The following LAMA2 variants were observed in gnomAD, a reference collection of about 807,000 sequenced individuals.
LAMA2 encodes the protein laminin subunit alpha-2.
Under a neutral mutation model 364.8 loss-of-function variants are expected in LAMA2, and 269 were observed. The ratio of observed to expected loss-of-function variants is 0.74; its 90% CI spans 0.67 to 0.82. The LOEUF (loss-of-function observed/expected upper bound fraction) is 0.82, where lower values mean the gene tolerates loss of function less well. Ranked by LOEUF, LAMA2 falls within the 40% of genes least tolerant of loss-of-function variation. The probability of loss-of-function intolerance (pLI) is 0.00; values close to 1 mark genes in which losing one functional copy is unlikely to be tolerated. For synonymous variants in LAMA2, 1,379 were observed against 1,370.6 expected (o/e 1.01, Z -0.14); for missense variants, 3,807 against 3,873.2 (o/e 0.98, Z 0.45).
chr6:129,248,209 A>C (rs1222682520), intron 12 of LAMA2, among the ~76,000 whole-genome samples: 1 of 152,202 alleles, frequency 6.6e-6, no homozygotes, highest in Non-Finnish European at 1.5e-5. Context: ...CTGATGTGGA[A>C]CAGTTTTATC....
At chr6:129,220,303 G>A (rs1261026413) in intron 12 of LAMA2, among the ~76,000 whole-genome samples, 2 of 152,068 alleles carry the variant, frequency 1.3e-5, no homozygotes, top group Non-Finnish European at 2.9e-5. Flanking sequence ...TAAGCAATGA[G>A]CAAAAAAACA....
intron 4 of LAMA2, among the ~76,000 whole-genome samples, chr6:129,124,095 T>C (rs1213725096): frequency 6.6e-6 from 1 of 152,224 alleles, no homozygotes; most frequent in Non-Finnish European, 1.5e-5. Context: ...AAATACCTAT[T>C]TTTTAAAATT....
At chr6:129,267,587 GA>G (rs1787607333) in intron 16 of LAMA2, among the ~76,000 whole-genome samples, 1 of 151,906 alleles carries the variant, frequency 6.6e-6, no homozygotes, top group South Asian at 2.1e-4. Flanking sequence ...CCCATAATAT[GA>G]AAAGTGTAAA....
intron 37 of LAMA2, among the ~76,000 whole-genome samples, chr6:129,398,952 G>C (rs894997617): frequency 5.9e-5 from 9 of 152,124 alleles, no homozygotes; most frequent in African/African-American, 1.9e-4. Flanking sequence ...ATAAACATAA[G>C]TTGTTTACTG....
intron 19 of LAMA2, among the ~76,000 whole-genome samples, chr6:129,291,019 C>G (rs1201083739): frequency 6.6e-6 from 1 of 152,164 alleles, no homozygotes; most frequent in Non-Finnish European, 1.5e-5. Context: ...TAACACAAAA[C>G]CGGCACACAG....
chr6:129,210,868 A>G (rs772722424), intron 12 of LAMA2, among the ~76,000 whole-genome samples: 6 of 152,074 alleles, frequency 3.9e-5, no homozygotes, highest in South Asian at 2.1e-4. Flanking sequence ...GATGCTGGCT[A>G]CAGTGGTCGA....
intron 29 of LAMA2, among the ~76,000 whole-genome samples, chr6:129,331,849 C>T (rs972827090): frequency 1.3e-5 from 2 of 152,248 alleles, no homozygotes; most frequent in Middle Eastern, 6.8e-3. Context: ...GGCTAATCTA[C>T]AGCCACCAGT....
intron 6 of LAMA2, among the ~76,000 whole-genome samples, chr6:129,147,790 T>C (rs1042996000): frequency 6.6e-6 from 1 of 152,126 alleles, no homozygotes; most frequent in African/African-American, 2.4e-5. Flanking sequence ...AATGACATTA[T>C]ACTCAAAGCT....
intron 49 of LAMA2, 122 bp from the exon 50 acceptor site, chr6:129,464,168 A>T (rs1336999061): frequency 1.2e-6 from 1 of 840,936 alleles, no homozygotes; most frequent in African/African-American, 1.7e-5. Context: ...AGGAATGAAG[A>T]TGTATTTAGG....
chr6:129,147,892 T>C lies in LAMA2; in HGVS notation c.909+844T>C, dbSNP rs560915741. 6.6e-5 allele frequency among the ~76,000 whole-genome samples: 10 copies of C among 152,216 alleles called. No individual in the cohort carries two copies. In the South Asian group the frequency reaches 8.3e-4, roughly 13 times the overall value. On this transcript the variant is annotated intron_variant, in intron 6 of 64. Transcript: ENST00000421865. The stretch of plus-strand genomic sequence containing the variant: ...TGGGCAAAGCTGCAGTGCTGCTTTC[T>C]GCCTGGTATGGGTGCTTTCTTCTTT...
intron 1 of LAMA2, among the ~76,000 whole-genome samples, chr6:129,006,344 A>G (rs539057261): frequency 1.3e-5 from 2 of 152,164 alleles, no homozygotes; most frequent in Non-Finnish European, 2.9e-5. Context: ...ACTTGTGCCA[A>G]TAGATTGTTT....
At chr6:129,223,825 G>A (rs556907370) in intron 12 of LAMA2, among the ~76,000 whole-genome samples, 2 of 152,214 alleles carry the variant, frequency 1.3e-5, no homozygotes, top group East Asian at 1.9e-4. Context: ...TGGGAATGTG[G>A]GCTCTTTTTT....
At chr6:129,109,773 A>T (rs1257572132) in intron 4 of LAMA2, among the ~76,000 whole-genome samples, 2 of 152,082 alleles carry the variant, frequency 1.3e-5, no homozygotes, top group Non-Finnish European at 2.9e-5. Context: ...AACTTTAAAA[A>T]TTATGTTTTT....
At chr6:129,376,594 C>T (rs1247078724) in intron 34 of LAMA2, among the ~76,000 whole-genome samples, 2 of 152,162 alleles carry the variant, frequency 1.3e-5, no homozygotes, top group Non-Finnish European at 1.5e-5. Flanking sequence ...CCCTGGCCAT[C>T]TGCACTCCAG....
chr6:128,925,402 A>G (rs1265755130), intron 1 of LAMA2, among the ~76,000 whole-genome samples: 2 of 152,206 alleles, frequency 1.3e-5, no homozygotes. Flanking sequence ...AGTGAAATAT[A>G]CCAGTCACAA....
At chr6:129,404,203 G>A (rs1438187220) in intron 40 of LAMA2, among the ~76,000 whole-genome samples, 2 of 152,096 alleles carry the variant, frequency 1.3e-5, no homozygotes, top group Non-Finnish European at 2.9e-5. Flanking sequence ...GCAAGTTTGT[G>A]CTACCAACTC....
At chr6:128,937,856 C>G (rs1417141693) in intron 1 of LAMA2, among the ~76,000 whole-genome samples, 1 of 149,598 alleles carries the variant, frequency 6.7e-6, no homozygotes, top group Non-Finnish European at 1.5e-5. Flanking sequence ...TTTCCTATTT[C>G]CTTGAGGTAT....
intron 42 of LAMA2, 104 bp downstream of exon 42, chr6:129,438,866 T>C (rs1781963603): frequency 8.1e-6 from 6 of 739,852 alleles, no homozygotes; most frequent in Non-Finnish European, 1.3e-5. Context: ...TACTATTATC[T>C]GGAAATTAGA....
At chr6:129,417,312 G>A (rs1201030928) in intron 40 of LAMA2, among the ~76,000 whole-genome samples, 1 of 152,086 alleles carries the variant, frequency 6.6e-6, no homozygotes, top group African/African-American at 2.4e-5. Context: ...TCCACAGGCA[G>A]GTAATTCCAG....
Sources: allele counts gnomAD v4.1 joint callset (sites outside exome capture counted in the v4.1 genomes callset), GRCh38; gene constraint gnomAD v4.1.1; transcripts MANE v1.5; gene names NCBI Gene and HGNC (gene_info 2026-07-23, HGNC 2026-07-21).